Variants in GPR39 observed in about 807,000 individuals in gnomAD.
GPR39 encodes G protein-coupled receptor 39, also known as zinc sensing receptor.
A neutral mutation model predicts 18.4 loss-of-function variants in GPR39; 23 were observed. The ratio of observed to expected loss-of-function variants is 1.25; its 90% CI spans 0.90 to 1.77. The LOEUF is 1.77. Among genes scored for constraint, GPR39 ranks in the 40% most tolerant of loss-of-function variants. GPR39 has a pLI of 0.00. For synonymous variants in GPR39, 280 were observed against 257.9 expected, an observed-to-expected ratio of 1.09 and a Z score of -0.82; for missense variants, 647 against 602.4, an observed-to-expected ratio of 1.07 and a Z score of -0.78.
chr2:132,528,151 T>C (rs1336532301), intron 1 of GPR39, among the ~76,000 whole-genome samples: 1 of 152,222 alleles, frequency 6.6e-6, no homozygotes, highest in African/African-American at 2.4e-5. Context: ...TTCACATGGC[T>C]AGTGAGTTTT....
intron 1 of GPR39, among the ~76,000 whole-genome samples, chr2:132,517,969 A>G (rs903097601): frequency 1.3e-5 from 2 of 152,062 alleles, no homozygotes; most frequent in Admixed American, 6.6e-5. Context: ...CTTTTTTGCT[A>G]TGTTTGGGGG....
chr2:132,502,310 A>C (rs1679056660), intron 1 of GPR39, among the ~76,000 whole-genome samples: 2 of 152,162 alleles, frequency 1.3e-5, no homozygotes, highest in South Asian at 4.1e-4. Context: ...TGTTTGGAAA[A>C]GACTGGATCT....
rs1235356697 is a variant in GPR39 at position 132,633,959 on chromosome 2, T to G, written c.857-11142T>G. Among the ~76,000 whole-genome samples, 9 of 142,310 alleles carry G rather than the reference T, an allele frequency of 6.3e-5. No individual in the cohort carries two copies. The South Asian group carries it at 1.9e-3, about 30-fold the overall frequency. The allele number at this position is 142,310 out of a possible 152,430, so 93.4% of individuals were successfully genotyped here. On this transcript the variant is annotated intron_variant, in intron 1 of 1. Coordinates refer to ENST00000329321, the MANE Select transcript of GPR39 (RefSeq NM_001508.3). ...TTAGTGTTGGTAGAGGTGGAGGCAG[T>G]GGTGGAAACAGTGGAGTTGGTGTAG... is the stretch of plus-strand genomic sequence containing the variant.
intron 1 of GPR39, among the ~76,000 whole-genome samples, chr2:132,427,114 A>ATATACATATATAGGTACATATATATATAT (rs1483067753): frequency 2.5e-5 from 2 of 81,202 alleles, no homozygotes; most frequent in Non-Finnish European, 5.0e-5. Flanking sequence ...TATATATATA[A>ATATACATATATAGGTACATATATATATAT]TATACATATA....
chr2:132,617,954 G>A (rs1425811946), intron 1 of GPR39, among the ~76,000 whole-genome samples: 1 of 152,178 alleles, frequency 6.6e-6, no homozygotes, highest in Non-Finnish European at 1.5e-5. Context: ...AGTCAGAAGT[G>A]GGCTGTGGCC....
At chr2:132,603,415 A>G (rs1230540460) in intron 1 of GPR39, among the ~76,000 whole-genome samples, 1 of 152,140 alleles carries the variant, frequency 6.6e-6, no homozygotes, top group African/African-American at 2.4e-5. Context: ...AATGGATACA[A>G]AATTACAGCT....
In GPR39 at chr2:132,549,767, A is replaced by G. The variant is rs533598714; in HGVS notation, c.857-95334A>G. On this transcript the variant is annotated intron_variant, in intron 1 of 1. Transcript: ENST00000329321. ...TGTGCCACTGCATTCTAATCCGGTG[A>G]CAGAGCACGACTCCGTCTCAAAAAA... 3.3e-5 allele frequency among the ~76,000 whole-genome samples: 5 copies of G among 152,212 alleles called. No individual in the cohort carries two copies. In the South Asian group the frequency reaches 1.0e-3, roughly 32 times the overall value.
rs779525582 is a variant in GPR39, at chr2:132,548,656, C to A, written c.857-96445C>A. Among the ~76,000 whole-genome samples, 4 of 152,224 alleles carry A rather than the reference C, an allele frequency of 2.6e-5. No individual in the cohort carries two copies. In the South Asian group the frequency reaches 6.2e-4, roughly 24 times the overall value. ...TCAATTTACCAGCTCTATGCCCTTGCATGTATTACTCAACATTTCTGAGTC... is the reference window on the plus strand; with the variant it reads ...TCAATTTACCAGCTCTATGCCCTTGAATGTATTACTCAACATTTCTGAGTC... On this transcript the variant is annotated intron_variant, in intron 1 of 1. Coordinates refer to ENST00000329321, the MANE Select transcript of GPR39 (RefSeq NM_001508.3).
At chr2:132,532,671 G>A (rs1320089015) in intron 1 of GPR39, among the ~76,000 whole-genome samples, 3 of 152,224 alleles carry the variant, frequency 2.0e-5, no homozygotes, top group Middle Eastern at 3.4e-3. Context: ...TTCATCCCTG[G>A]GATGCAAGGC....
chr2:132,505,204 G>A (rs558848340), intron 1 of GPR39, among the ~76,000 whole-genome samples: 1 of 152,174 alleles, frequency 6.6e-6, no homozygotes, highest in South Asian at 2.1e-4. Context: ...TCACAATGGT[G>A]AGAGGCCGAG....
At chr2:132,585,491 G>C (rs1415678666) in intron 1 of GPR39, among the ~76,000 whole-genome samples, 3 of 152,212 alleles carry the variant, frequency 2.0e-5, no homozygotes, top group Non-Finnish European at 4.4e-5. Context: ...TGACTGATGT[G>C]AGTTGCCCTC....
intron 1 of GPR39, among the ~76,000 whole-genome samples, chr2:132,598,746 A>G (rs1431306559): frequency 2.0e-5 from 3 of 152,096 alleles, no homozygotes; most frequent in Non-Finnish European, 4.4e-5. Context: ...ACTAAAATCC[A>G]CACCAGCATC....
chr2:132,632,114 G>A (rs994371343), intron 1 of GPR39, among the ~76,000 whole-genome samples: 2 of 152,026 alleles, frequency 1.3e-5, no homozygotes, highest in Admixed American at 6.6e-5. Context: ...CACTGGACCC[G>A]GTCAAATGAA....
intron 1 of GPR39, among the ~76,000 whole-genome samples, chr2:132,464,215 G>A (rs1390960857): frequency 1.3e-5 from 2 of 152,206 alleles, no homozygotes; most frequent in African/African-American, 2.4e-5. Context: ...CCAACACTGA[G>A]CCATCATCTG....
intron 1 of GPR39, among the ~76,000 whole-genome samples, chr2:132,523,163 T>C (rs767220397): frequency 6.6e-6 from 1 of 152,228 alleles, no homozygotes; most frequent in Non-Finnish European, 1.5e-5. Flanking sequence ...AAACCAGACA[T>C]TACTTTTTTA....
chr2:132,635,130 G>A (rs1475219373), intron 1 of GPR39, among the ~76,000 whole-genome samples: 2 of 152,172 alleles, frequency 1.3e-5, no homozygotes, highest in Admixed American at 1.3e-4. Context: ...AGATGGAAAT[G>A]AGCCAGGCAC....
chr2:132,462,958 C>T (rs1680860663), intron 1 of GPR39, among the ~76,000 whole-genome samples: 2 of 152,224 alleles, frequency 1.3e-5, no homozygotes, highest in South Asian at 2.1e-4. Context: ...CTTTCTACTC[C>T]CTTTCTCCAA....
chr2:132,453,667 T>C (rs370117114), intron 1 of GPR39, among the ~76,000 whole-genome samples: 6 of 152,094 alleles, frequency 3.9e-5, no homozygotes, highest in Admixed American at 1.3e-4. Flanking sequence ...TAAGGTGTAA[T>C]GAAGGGATCC....
chr2:132,630,775 G>A (rs1006699791), intron 1 of GPR39, among the ~76,000 whole-genome samples: 23 of 152,136 alleles, frequency 1.5e-4, no homozygotes, highest in Non-Finnish European at 1.3e-4. Context: ...GATTGGATGT[G>A]GGGGTGAGAG....
Sources: gnomAD v4.1 joint callset for allele counts (sites outside exome capture counted in the v4.1 genomes callset) on GRCh38, gnomAD v4.1.1 for gene constraint, MANE v1.5 for transcripts, NCBI Gene and HGNC (gene_info 2026-07-23, HGNC 2026-07-21) for gene names.